The following NCALD variants were observed in gnomAD, a reference collection of about 807,000 sequenced individuals.
NCALD encodes the protein neurocalcin delta, also known as neurocalcin-delta.
In NCALD, 10 loss-of-function variants were observed where a neutral mutation model predicts 18.6. The ratio of observed to expected loss-of-function variants is 0.54; its 90% CI spans 0.33 to 0.91. NCALD has a LOEUF of 0.91. NCALD is among the 40% of genes least tolerant of loss of function. The pLI is 0.03. For synonymous variants in NCALD, 88 were observed against 87.4 expected, an observed-to-expected ratio of 1.01 and a Z score of -0.04; for missense variants, 184 against 247.6, an observed-to-expected ratio of 0.74 and a Z score of 1.72.
intron 4 of NCALD, among the ~76,000 whole-genome samples, chr8:101,865,813 T>C (rs1488350447): frequency 6.6e-6 from 1 of 152,200 alleles, no homozygotes; most frequent in African/African-American, 2.4e-5. Context: ...TATTTGACAA[T>C]AATAAATAAC....
At chr8:101,859,921 T>C (rs79200390) in intron 4 of NCALD, among the ~76,000 whole-genome samples, 3,153 of 152,202 alleles carry the variant, frequency 0.021, 85 homozygotes, top group African/African-American at 0.07. Context: ...AAGACCCCAA[T>C]AGGGCATATC....
At chr8:101,956,387 C>A (rs1819624164) in intron 2 of NCALD, among the ~76,000 whole-genome samples, 1 of 152,130 alleles carries the variant, frequency 6.6e-6, no homozygotes, top group African/African-American at 2.4e-5. Context: ...ACATAGCCGG[C>A]AGAAAGAGAC....
At chr8:101,956,191 C>T (rs1819616729) in intron 2 of NCALD, among the ~76,000 whole-genome samples, 1 of 152,248 alleles carries the variant, frequency 6.6e-6, no homozygotes, top group South Asian at 2.1e-4. Context: ...TTATCCACCC[C>T]CAAAGAGACT....
intron 1 of NCALD, among the ~76,000 whole-genome samples, chr8:101,739,511 C>G (rs1810092606): frequency 6.6e-6 from 1 of 152,178 alleles, no homozygotes; most frequent in Non-Finnish European, 1.5e-5. Flanking sequence ...CTGGGAGAGG[C>G]AGACCCATCC....
At chr8:101,963,277 C>A (rs1488921668) in intron 2 of NCALD, among the ~76,000 whole-genome samples, 2 of 152,172 alleles carry the variant, frequency 1.3e-5, no homozygotes, top group Admixed American at 6.5e-5. Context: ...CATACCTCTG[C>A]TCCAGAACCT....
At chr8:101,907,786 T>C (rs905236815) in intron 3 of NCALD, among the ~76,000 whole-genome samples, 1 of 152,164 alleles carries the variant, frequency 6.6e-6, no homozygotes, top group Non-Finnish European at 1.5e-5. Context: ...ATCAACCCAT[T>C]TGAGAAGCAT....
intron 4 of NCALD, among the ~76,000 whole-genome samples, chr8:101,864,189 C>T (rs368977017): frequency 3.3e-5 from 5 of 152,190 alleles, no homozygotes; most frequent in African/African-American, 1.2e-4. Flanking sequence ...TATACGGTGG[C>T]TCAAAGAACA....
chr8:102,073,560 CT>C (rs1824248288), intron 1 of NCALD, among the ~76,000 whole-genome samples: 1 of 151,134 alleles, frequency 6.6e-6, no homozygotes, highest in East Asian at 1.9e-4. Context: ...CATGGATTAC[CT>C]AAAATTTAAA....
chr8:101,817,258 G>T (rs1296478674), intron 4 of NCALD, among the ~76,000 whole-genome samples: 1 of 152,074 alleles, frequency 6.6e-6, no homozygotes, highest in Non-Finnish European at 1.5e-5. Flanking sequence ...CTCCTACTTG[G>T]TGGAGCCAGC....
At chr8:101,864,921 CAA>C (rs1301626181) in intron 4 of NCALD, among the ~76,000 whole-genome samples, 2 of 152,122 alleles carry the variant, frequency 1.3e-5, no homozygotes, top group African/African-American at 4.8e-5. Context: ...TCTAGAAGGA[CAA>C]AGAGTACTTG....
At chr8:102,094,983 A>C (rs1271498036) in intron 1 of NCALD, among the ~76,000 whole-genome samples, 1 of 152,234 alleles carries the variant, frequency 6.6e-6, no homozygotes, top group African/African-American at 2.4e-5. Context: ...TCTAACCTCC[A>C]GAGAACTGTA....
chr8:102,029,393 C>T (rs1822584759), intron 1 of NCALD, among the ~76,000 whole-genome samples: 1 of 152,174 alleles, frequency 6.6e-6, no homozygotes, highest in Admixed American at 6.5e-5. Context: ...GCCAGAGAAT[C>T]AGATCTTTTA....
At chr8:101,828,659 T>C (rs2131230161) in intron 4 of NCALD, among the ~76,000 whole-genome samples, 1 of 152,036 alleles carries the variant, frequency 6.6e-6, no homozygotes, top group South Asian at 2.1e-4. Flanking sequence ...TAAAGTGTGG[T>C]GGCACAATCA....
At chr8:101,913,594 T>C (rs1817875562) in intron 3 of NCALD, among the ~76,000 whole-genome samples, 1 of 152,214 alleles carries the variant, frequency 6.6e-6, no homozygotes, top group South Asian at 2.1e-4. Context: ...TTGTTTTGCT[T>C]GTTTTGGGAC....
chr8:101,905,444 G>T (rs1817580394), intron 3 of NCALD, among the ~76,000 whole-genome samples: 1 of 152,062 alleles, frequency 6.6e-6, no homozygotes, highest in African/African-American at 2.4e-5. Flanking sequence ...GCAAGTGGCT[G>T]AGCACTTGTT....
chr8:102,029,505 T>C (rs151109976), intron 1 of NCALD, among the ~76,000 whole-genome samples: 356 of 152,326 alleles, frequency 2.3e-3, no homozygotes, highest in Non-Finnish European at 3.2e-3. Flanking sequence ...TCACAGACAT[T>C]GATGTCATAA....
chr8:101,877,125 C>T (rs901496616), intron 4 of NCALD, among the ~76,000 whole-genome samples: 1 of 152,202 alleles, frequency 6.6e-6, no homozygotes, highest in Admixed American at 6.5e-5. Context: ...GTAGCAAGTG[C>T]TAGAAACCTG....
At chr8:102,086,609 T>A (rs1292539345) in intron 1 of NCALD, among the ~76,000 whole-genome samples, 1 of 152,182 alleles carries the variant, frequency 6.6e-6, no homozygotes, top group Non-Finnish European at 1.5e-5. Flanking sequence ...TCCAGTCCAA[T>A]CCATCCTCTA....
At chr8:102,084,751 G>A (rs1255341594) in intron 1 of NCALD, among the ~76,000 whole-genome samples, 1 of 152,164 alleles carries the variant, frequency 6.6e-6, no homozygotes, top group Non-Finnish European at 1.5e-5. Flanking sequence ...GCCCAACTCC[G>A]GAGATCTTAT....
Sources: gnomAD v4.1 joint callset for allele counts (sites outside exome capture counted in the v4.1 genomes callset) on GRCh38, gnomAD v4.1.1 for gene constraint, MANE v1.5 for transcripts, NCBI Gene and HGNC (gene_info 2026-07-23, HGNC 2026-07-21) for gene names.